The following SNX10 variants were observed in gnomAD, a reference collection of about 807,000 sequenced individuals.
SNX10 encodes the protein sorting nexin 10, also known as sorting nexin-10.
In SNX10, 25 loss-of-function variants were observed where a neutral mutation model predicts 28.5. The ratio of observed to expected loss-of-function variants is 0.88; its 90% CI spans 0.64 to 1.22. The LOEUF is 1.22. Among genes scored for constraint, SNX10 ranks in the 50% most tolerant of loss-of-function variants. The pLI, the probability that SNX10 is intolerant of heterozygous loss-of-function variation, is 0.00. For missense variants in SNX10, 223 were observed against 242.6 expected (o/e 0.92, Z 0.54); for synonymous variants, 62 against 81.4 (o/e 0.76, Z 1.28).
chr7:26,357,154 G>A (rs1788857542), intron 2 of SNX10: 2 of 471,750 alleles, frequency 4.2e-6, no homozygotes, highest in Admixed American at 3.4e-5. Flanking sequence ...ACAGTAGGAT[G>A]TGGTGAGTAG....
intron 1 of SNX10, among the ~76,000 whole-genome samples, chr7:26,301,926 A>C (rs75119606): frequency 0.024 from 3,623 of 152,284 alleles, 120 homozygotes; most frequent in East Asian, 0.084. Flanking sequence ...GGAAAAATTT[A>C]AAAGTCATAC....
chr7:26,361,423 T>C (rs1312056254), intron 3 of SNX10, among the ~76,000 whole-genome samples: 1 of 151,624 alleles, frequency 6.6e-6, no homozygotes, highest in Non-Finnish European at 1.5e-5. Context: ...ACCTTCAAGT[T>C]TGAGAGGATA....
chr7:26,372,800 G>A lies in SNX10; in HGVS notation c.*228G>A, dbSNP rs909548014. 8.1e-6 allele frequency: 3 copies of A among 370,954 alleles called. No homozygotes were observed. The highest frequency in any genetic ancestry group is 4.2e-5 in the African/African-American group (2 of 47,846). 23.0% of individuals were successfully genotyped at this position (370,954 alleles called of 1,614,324 possible). On this transcript the variant is annotated 3_prime_UTR_variant, in exon 7 of 7. Coordinates refer to ENST00000338523, the MANE Select transcript of SNX10 (RefSeq NM_013322.3). ...GTGAATACAATACTATCCTTTACAG[G>A]CAGACATTATTGGTAAACAAGATCT...
intron 1 of SNX10, among the ~76,000 whole-genome samples, chr7:26,297,296 G>A (rs1584082180): frequency 6.6e-6 from 1 of 152,216 alleles, no homozygotes; most frequent in African/African-American, 2.4e-5. Context: ...GGGTTTCACC[G>A]TCTTGGCCAG....
intron 2 of SNX10, among the ~76,000 whole-genome samples, chr7:26,358,437 A>C (rs1450912805): frequency 1.3e-5 from 2 of 152,184 alleles, no homozygotes; most frequent in African/African-American, 4.8e-5. Context: ...AAAATAAAGA[A>C]ATAGAGAAGA....
intron 3 of SNX10, among the ~76,000 whole-genome samples, chr7:26,363,845 A>G (rs1424731555): frequency 6.6e-6 from 1 of 152,208 alleles, no homozygotes; most frequent in Non-Finnish European, 1.5e-5. Context: ...TGAATTAGAT[A>G]TATACTAGTT....
chr7:26,345,495 C>T lies in SNX10; in HGVS notation c.-23-925C>T, dbSNP rs556342886. ...CTGCTGCTCGGGTGCAGCTCGCTTGCCCCTTCCAGAGGCCCTGTGGGGTCT... is the reference window on the plus strand; with the variant it reads ...CTGCTGCTCGGGTGCAGCTCGCTTGTCCCTTCCAGAGGCCCTGTGGGGTCT... On this transcript the variant is annotated intron_variant, in intron 1 of 6. Transcript: ENST00000338523. Among the ~76,000 whole-genome samples the T allele has an allele frequency of 9.2e-5, 14 of 152,302 alleles. No individual in the cohort carries two copies. The South Asian group carries it at 2.9e-3, about 32-fold the overall frequency.
chr7:26,363,587 G>C (rs1362264261), intron 3 of SNX10, among the ~76,000 whole-genome samples: 2 of 151,902 alleles, frequency 1.3e-5, no homozygotes, highest in Non-Finnish European at 2.9e-5. Flanking sequence ...ATTTACTCTC[G>C]TCTTATGTTT....
At chr7:26,338,149 C>A (rs552167455) in intron 1 of SNX10, among the ~76,000 whole-genome samples, 1 of 134,552 alleles carries the variant, frequency 7.4e-6, no homozygotes, top group East Asian at 2.5e-4. Flanking sequence ...CAGAGTCTTA[C>A]TCTGTCACCC....
intron 1 of SNX10, among the ~76,000 whole-genome samples, chr7:26,296,144 T>G (rs1786101414): frequency 6.6e-6 from 1 of 151,746 alleles, no homozygotes; most frequent in Admixed American, 6.6e-5. Flanking sequence ...CATAAATAAA[T>G]AAATAAATAC....
chr7:26,299,091 T>C (rs1340889919), intron 1 of SNX10, among the ~76,000 whole-genome samples: 1 of 152,126 alleles, frequency 6.6e-6, no homozygotes. Flanking sequence ...TACAATCTTA[T>C]TTTTTGAAAA....
chr7:26,330,982 T>G (rs1032720864), intron 1 of SNX10, among the ~76,000 whole-genome samples: 6 of 151,990 alleles, frequency 3.9e-5, no homozygotes, highest in Non-Finnish European at 8.8e-5. Flanking sequence ...AAACCTCATC[T>G]CTACAAAAAA....
intron 1 of SNX10, among the ~76,000 whole-genome samples, chr7:26,338,769 A>G (rs1788052393): frequency 1.3e-5 from 2 of 152,246 alleles, no homozygotes; most frequent in Admixed American, 6.5e-5. Context: ...CTGATTGGTC[A>G]GGTTGGAGAT....
At chr7:26,356,081 T>C (rs1201496350) in intron 2 of SNX10, among the ~76,000 whole-genome samples, 2 of 151,984 alleles carry the variant, frequency 1.3e-5, no homozygotes, top group African/African-American at 4.8e-5. Context: ...AATGATAGGG[T>C]AGAAGTGGAT....
Position 26,373,314 on chromosome 7 carries a change from G to C in SNX10, c.*742G>C, listed in dbSNP as rs1789648955. 6.6e-6 allele frequency: 1 copy of C among 151,868 alleles called. No individual in the cohort carries two copies. Among genetic ancestry groups the C allele is most frequent in the African/African-American group, 2.4e-5 (1 of 41,350 alleles). 9.4% of individuals were successfully genotyped at this position (151,868 alleles called of 1,614,324 possible). On this transcript the variant is annotated 3_prime_UTR_variant, in exon 7 of 7. Transcript: ENST00000338523. This position sits in a 1 kb window ranked among gnomAD's most constrained non-coding sequence, Gnocchi z 4.2. ...AATGGTTTCTGGAGACAAATAATTT[G>C]TTTTCATTATCATTGTATAATCAGG...
Position 26,346,453 on chromosome 7 carries a change from A to G in SNX10, c.11A>G (p.Glu4Gly). 6.2e-7 allele frequency: 1 copy of G among 1,608,668 alleles called. No homozygotes were observed. The highest frequency in any genetic ancestry group is 2.2e-5 in the East Asian group (1 of 44,868). The change falls in exon 2 of 7, where the codon GAA becomes GGA. Residue 4 changes from glutamate (E) to glycine (G), a missense_variant. By Grantham distance (98) the Glu-to-Gly change is moderately conservative (BLOSUM62 -2). Transcript: ENST00000338523. The part of the protein sequence containing the change: MFP[E>G]QQKEEFVSVW... ...TGTCCTGTGCTGAAGATGTTTCCGGAACAACAGAAAGAGGTATGTCATCAC... is the reference window on the plus strand; with the variant it reads ...TGTCCTGTGCTGAAGATGTTTCCGGGACAACAGAAAGAGGTATGTCATCAC...
At chr7:26,297,416 CTT>C (rs1786153586) in intron 1 of SNX10, among the ~76,000 whole-genome samples, 1 of 152,178 alleles carries the variant, frequency 6.6e-6, no homozygotes, top group East Asian at 1.9e-4. Flanking sequence ...TTAGAAATAA[CTT>C]TGGTGTAGGA....
intron 1 of SNX10, among the ~76,000 whole-genome samples, chr7:26,305,416 A>C (rs7798754): frequency 0.02 from 3,025 of 152,142 alleles, 105 homozygotes; most frequent in African/African-American, 0.068. Flanking sequence ...CCCCTTTCTC[A>C]CTGATGTAGC....
intron 1 of SNX10, among the ~76,000 whole-genome samples, chr7:26,343,930 C>T (rs1161906547): frequency 6.6e-6 from 1 of 152,126 alleles, no homozygotes; most frequent in African/African-American, 2.4e-5. Context: ...CCTCTCCACC[C>T]CCACTTAGTC....
Sources: gnomAD v4.1 joint callset for allele counts (sites outside exome capture counted in the v4.1 genomes callset) on GRCh38, gnomAD v4.1.1 for gene constraint, Gnocchi (gnomAD v3.1) non-coding constraint, MANE v1.5 for transcripts, NCBI Gene and HGNC (gene_info 2026-07-23, HGNC 2026-07-21) for gene names.